RAP1B: variants seen among roughly 807,000 people sequenced by gnomAD.
RAP1B encodes the protein RAP1B, member of RAS oncogene family.
In RAP1B, 1 loss-of-function variant was observed where a neutral mutation model predicts 27.5. That is an observed-to-expected ratio of 0.04 (90% CI 0.01 to 0.17). The LOEUF (loss-of-function observed/expected upper bound fraction) is 0.17, where lower values mean the gene tolerates loss of function less well. RAP1B is among the 10% of genes least tolerant of loss of function. The pLI is 1.00. For synonymous variants in RAP1B, 75 were observed against 73.1 expected, an observed-to-expected ratio of 1.03 and a Z score of -0.13; for missense variants, 84 against 214.8, an observed-to-expected ratio of 0.39 and a Z score of 3.81.
intron 1 of RAP1B, among the ~76,000 whole-genome samples, chr12:68,617,641 T>C (rs904814854): frequency 1.3e-5 from 2 of 152,264 alleles, no homozygotes; most frequent in Non-Finnish European, 2.9e-5. Context: ...ATGTGTACTT[T>C]CCTTCTGAAG....
At chr12:68,642,081 T>C (rs890362856) in intron 1 of RAP1B, among the ~76,000 whole-genome samples, 6 of 152,172 alleles carry the variant, frequency 3.9e-5, no homozygotes, top group African/African-American at 1.4e-4. Context: ...AAAATGAAGA[T>C]CCAGGAGTCC....
chr12:68,615,579 A>G (rs911954957), intron 1 of RAP1B, among the ~76,000 whole-genome samples: 1 of 151,534 alleles, frequency 6.6e-6, no homozygotes, highest in Non-Finnish European at 1.5e-5. Context: ...ACAGAGTGAG[A>G]CTGTCAAAAA....
intron 1 of RAP1B, among the ~76,000 whole-genome samples, chr12:68,617,432 A>C (rs1279275233): frequency 6.6e-6 from 1 of 152,228 alleles, no homozygotes; most frequent in Non-Finnish European, 1.5e-5. Flanking sequence ...GATATATAAC[A>C]TATGTTATCT....
chr12:68,645,602 A>G (rs1438291634), intron 1 of RAP1B, among the ~76,000 whole-genome samples: 1 of 152,270 alleles, frequency 6.6e-6, no homozygotes, highest in African/African-American at 2.4e-5. Flanking sequence ...GCTCTTTCCC[A>G]GTCCCTACCA....
rs1343222069 is a variant in RAP1B, at chr12:68,666,081, G to C, written c.*6832G>C. The C allele has an allele frequency of 6.6e-6, 1 of 152,198 alleles. No homozygotes were observed. Among genetic ancestry groups the C allele is most frequent in the Non-Finnish European group, 1.5e-5 (1 of 68,058 alleles). 9.4% of individuals were successfully genotyped at this position (152,198 alleles called of 1,614,324 possible). A position where few individuals can be genotyped will look rare whatever the true frequency, so the allele number is the denominator to read the frequency against. On this transcript the variant is annotated 3_prime_UTR_variant, in exon 8 of 8. Transcript: ENST00000250559. ...TTGGCCAGGCTGGTCTTGAACTCCTGACCTCGTGATCCATCTGCTTCAGCC... is the reference window on the plus strand; with the variant it reads ...TTGGCCAGGCTGGTCTTGAACTCCTCACCTCGTGATCCATCTGCTTCAGCC...
chr12:68,627,068 A>G, intron 1 of RAP1B: 1 of 1,593,520 alleles, frequency 6.3e-7, no homozygotes, highest in Non-Finnish European at 8.5e-7. Flanking sequence ...GCAGGGCCTC[A>G]ATCACATGCT....
At chr12:68,644,979 G>A (rs734661) in intron 1 of RAP1B, among the ~76,000 whole-genome samples, 26,774 of 152,040 alleles carry the variant, frequency 0.18, 3,035 homozygotes, top group South Asian at 0.45. Context: ...GATTACAGGC[G>A]TGAGCCACCA....
chr12:68,658,712 T>C (rs1188996672), intron 7 of RAP1B, among the ~76,000 whole-genome samples: 2 of 152,194 alleles, frequency 1.3e-5, no homozygotes, highest in African/African-American at 4.8e-5. Flanking sequence ...TATAACGTGA[T>C]TGTAAATCTG....
intron 1 of RAP1B, among the ~76,000 whole-genome samples, chr12:68,637,851 C>T (rs78475071): frequency 0.011 from 1,730 of 152,056 alleles, 13 homozygotes; most frequent in Middle Eastern, 0.044. Context: ...CAGGAAGTCT[C>T]TTAAAATGTC....
intron 1 of RAP1B, among the ~76,000 whole-genome samples, chr12:68,619,518 C>T (rs1218680331): frequency 6.6e-6 from 1 of 152,112 alleles, no homozygotes; most frequent in Non-Finnish European, 1.5e-5. Flanking sequence ...TTATAGAGAA[C>T]ATAAAAGTTT....
chr12:68,654,942 T>C (rs1267002704), intron 5 of RAP1B, among the ~76,000 whole-genome samples: 1 of 152,148 alleles, frequency 6.6e-6, no homozygotes, highest in Non-Finnish European at 1.5e-5. Flanking sequence ...TCTGATTCAG[T>C]AGGTCAGCAG....
intron 1 of RAP1B, among the ~76,000 whole-genome samples, chr12:68,639,824 G>A (rs182399681): frequency 1.3e-5 from 2 of 151,890 alleles, no homozygotes; most frequent in African/African-American, 2.4e-5. Flanking sequence ...AAACTAATTA[G>A]CATGTCACCC....
Position 68,623,469 on chromosome 12 carries a change from A to G in RAP1B, c.-27+12426A>G, listed in dbSNP as rs527552094. ...TAGGGCCATAATCCCTTATCTATATATAACCTTTGGTGCCAGGTATTTTTG... is the reference window on the plus strand; with the variant it reads ...TAGGGCCATAATCCCTTATCTATATGTAACCTTTGGTGCCAGGTATTTTTG... On this transcript the variant is annotated intron_variant, in intron 1 of 7. Coordinates refer to ENST00000250559, the MANE Select transcript of RAP1B (RefSeq NM_001010942.3). 2.6e-5 allele frequency among the ~76,000 whole-genome samples: 4 copies of G among 152,354 alleles called. No individual in the cohort carries two copies. The East Asian group carries it at 7.7e-4, about 29-fold the overall frequency.
intron 3 of RAP1B, chr12:68,651,642 C>T: frequency 4.7e-6 from 1 of 213,354 alleles, no homozygotes; most frequent in East Asian, 1.0e-4. Flanking sequence ...GACAGAATTA[C>T]TTATGATACT....
chr12:68,625,603 C>G (rs1471864562), intron 1 of RAP1B, among the ~76,000 whole-genome samples: 1 of 152,164 alleles, frequency 6.6e-6, no homozygotes, highest in African/African-American at 2.4e-5. Flanking sequence ...AACCCACAAT[C>G]TAAAATCAAG....
intron 1 of RAP1B, among the ~76,000 whole-genome samples, chr12:68,644,686 C>CTTTT (rs535569981): frequency 3.7e-5 from 4 of 109,114 alleles, no homozygotes; most frequent in African/African-American, 7.4e-5. Flanking sequence ...TTAAAAGTTA[C>CTTTT]TTTTTTTTTT....
intron 1 of RAP1B, among the ~76,000 whole-genome samples, chr12:68,622,403 C>T (rs1679200810): frequency 6.6e-6 from 1 of 152,136 alleles, no homozygotes; most frequent in Admixed American, 6.5e-5. Context: ...CCTTAAGAAC[C>T]AGTTCCTTAT....
intron 1 of RAP1B, among the ~76,000 whole-genome samples, chr12:68,616,316 G>A (rs1456299539): frequency 7.0e-6 from 1 of 143,052 alleles, no homozygotes; most frequent in Non-Finnish European, 1.5e-5. Context: ...ACAGAGTCTC[G>A]CTCTGTCAGT....
intron 1 of RAP1B, among the ~76,000 whole-genome samples, chr12:68,613,934 G>C (rs1362708505): frequency 6.6e-6 from 1 of 152,134 alleles, no homozygotes; most frequent in African/African-American, 2.4e-5. Context: ...GCTGTATAAA[G>C]GTAAAGTGAC....
Sources: allele counts gnomAD v4.1 joint callset (sites outside exome capture counted in the v4.1 genomes callset), GRCh38; gene constraint gnomAD v4.1.1; transcripts MANE v1.5; gene names NCBI Gene and HGNC (gene_info 2026-07-23, HGNC 2026-07-21).